Variants in ZNF675 observed in about 807,000 individuals in gnomAD.
ZNF675 encodes TRAF6 inhibitory zinc finger.
Under a neutral mutation model 56.1 loss-of-function variants are expected in ZNF675, and 36 were observed. The observed-to-expected ratio is 0.64, with a 90% CI of 0.49 to 0.85. ZNF675 has a LOEUF of 0.85. ZNF675 is among the 40% of genes least tolerant of loss of function. The pLI is 0.00. For missense variants in ZNF675, 663 were observed against 654.2 expected, an observed-to-expected ratio of 1.01 and a Z score of -0.15; for synonymous variants, 200 against 218.9, an observed-to-expected ratio of 0.91 and a Z score of 0.76.
rs566320715 is a variant in ZNF675, at chr19:23,682,653, A to G, written c.3+4378T>C. Among the ~76,000 whole-genome samples the G allele has an allele frequency of 9.9e-5, 15 of 151,892 alleles. No individual in the cohort carries two copies. In the South Asian group the frequency reaches 2.9e-3, roughly 29 times the overall value. On this transcript the variant is annotated intron_variant, in intron 1 of 3. Coordinates refer to ENST00000359788, the MANE Select transcript of ZNF675 (RefSeq NM_138330.3). ...CCAGAAAGAACTAACTGGGCCTTTA[A>G]TAACCTCCTTTTGCAGGCTCAATAT...
intron 2 of ZNF675, among the ~76,000 whole-genome samples, chr19:23,662,603 A>C (rs1216081144): frequency 3.3e-5 from 5 of 152,220 alleles, no homozygotes; most frequent in African/African-American, 1.2e-4. Context: ...AAAAACAGGG[A>C]TCTGAAACTC....
At chr19:23,684,982 AG>A (rs2144802924) in intron 1 of ZNF675, among the ~76,000 whole-genome samples, 1 of 134,936 alleles carries the variant, frequency 7.4e-6, no homozygotes, top group South Asian at 2.7e-4. Flanking sequence ...GGTTGAGTAA[AG>A]GCAATCTTCA....
intron 3 of ZNF675, among the ~76,000 whole-genome samples, chr19:23,661,075 G>A (rs564229792): frequency 7.9e-5 from 12 of 152,078 alleles, no homozygotes; most frequent in Non-Finnish European, 1.6e-4. Flanking sequence ...GATTACAGAT[G>A]TGTGCCACCA....
intron 1 of ZNF675, among the ~76,000 whole-genome samples, chr19:23,671,493 T>C (rs1261707124): frequency 2.0e-5 from 3 of 152,040 alleles, no homozygotes; most frequent in African/African-American, 7.2e-5. Context: ...CAAAGGGATA[T>C]ACTAAGCCCC....
At chr19:23,665,526 C>T (rs1265227025) in intron 1 of ZNF675, among the ~76,000 whole-genome samples, 2 of 151,576 alleles carry the variant, frequency 1.3e-5, no homozygotes, top group African/African-American at 2.4e-5. Context: ...GATGGAGTGT[C>T]GCTCTGTAGC....
rs1347913261 is a variant in ZNF675 at position 23,654,112 on chromosome 19, T to C, written c.821A>G (p.His274Arg). 3 of 1,613,914 alleles carry C rather than the reference T, an allele frequency of 1.9e-6. No homozygotes were observed. The highest frequency in any genetic ancestry group is 2.5e-6 in the Non-Finnish European group (3 of 1,180,016). ...TTTCTCTCCTGTATGAATTATCTTATGTGTAGTAAGGTGTGAGGACTGGTT... is the reference window on the plus strand; with the variant it reads ...TTTCTCTCCTGTATGAATTATCTTACGTGTAGTAAGGTGTGAGGACTGGTT... ...AFNQSSHLTT[H>R]KIIHTGEKPY... The change falls in exon 4 of 4, where the codon CAT (histidine) becomes CGT (arginine). Residue 274 changes from histidine (H) to arginine (R), a missense_variant. Coordinates refer to ENST00000359788, the MANE Select transcript of ZNF675 (RefSeq NM_138330.3).
At chr19:23,684,267 A>G (rs1305607470) in intron 1 of ZNF675, among the ~76,000 whole-genome samples, 1 of 151,714 alleles carries the variant, frequency 6.6e-6, no homozygotes, top group East Asian at 1.9e-4. Context: ...GTCTCAAAAA[A>G]AAAAAAAAAA....
intron 1 of ZNF675, among the ~76,000 whole-genome samples, chr19:23,679,851 G>A (rs1329360299): frequency 1.3e-5 from 2 of 151,164 alleles, no homozygotes; most frequent in South Asian, 2.1e-4. Context: ...TTAGCCAGGC[G>A]TGGTGGCAGG....
At position 23,653,676 on chromosome 19, in the gene ZNF675, A is replaced by C; in HGVS notation, c.1257T>G (p.Thr419=). 1.2e-6 allele frequency: 2 copies of C among 1,613,138 alleles called. No individual in the cohort carries two copies. The highest frequency in any genetic ancestry group is 1.7e-6 in the Non-Finnish European group (2 of 1,179,794). Residue 419 remains threonine, a synonymous_variant, in exon 4 of 4, where the codon ACT becomes ACG. Coordinates refer to ENST00000359788, the MANE Select transcript of ZNF675 (RefSeq NM_138330.3). ...SALTTHKRIH[T]GEKPYKCEEC... ...CTTCACATTTGTAGGGTTTCTCTCC[A>C]GTGTGAATTCTCTTATGTGTAGTAA... is the stretch of plus-strand genomic sequence containing the variant.
chr19:23,677,312 CT>C, intron 1 of ZNF675, among the ~76,000 whole-genome samples: 1 of 151,774 alleles, frequency 6.6e-6, no homozygotes, highest in Admixed American at 6.5e-5. Context: ...GTTCTGTAAG[CT>C]GACAAACAAC....
In ZNF675 at chr19:23,659,081, C is replaced by T. The variant is rs974907897; in HGVS notation, c.226+3033G>A. ...GCCTGATATATAAAACAAATATCTG[C>T]GAATAAATTATATTATTTAGATACA... On this transcript the variant is annotated intron_variant, in intron 3 of 3. Transcript: ENST00000359788. 3.4e-4 allele frequency among the ~76,000 whole-genome samples: 52 copies of T among 150,832 alleles called. 1 individual carries two copies. The highest frequency in any genetic ancestry group is 4.2e-4 in the South Asian group (2 of 4,776).
intron 1 of ZNF675, among the ~76,000 whole-genome samples, chr19:23,685,522 A>G (rs75818314): frequency 2.0e-5 from 3 of 152,230 alleles, no homozygotes; most frequent in African/African-American, 7.2e-5. Context: ...TTCCAAAGGG[A>G]AACCTTGACC....
chr19:23,672,639 C>G (rs1315314675), intron 1 of ZNF675, among the ~76,000 whole-genome samples: 3 of 152,158 alleles, frequency 2.0e-5, no homozygotes, highest in African/African-American at 7.2e-5. Context: ...TCCTGTGTGT[C>G]ACAGAAAGTG....
chr19:23,686,894 G>T, intron 1 of ZNF675, 137 bp downstream of exon 1: 2 of 1,084,908 alleles, frequency 1.8e-6, no homozygotes, highest in Non-Finnish European at 2.8e-6. Context: ...AGGGGACTGA[G>T]CCGAGCTGGG....
chr19:23,659,526 G>A (rs1247745289), intron 3 of ZNF675, among the ~76,000 whole-genome samples: 1 of 152,144 alleles, frequency 6.6e-6, no homozygotes, highest in Non-Finnish European at 1.5e-5. Context: ...AATTATGTAT[G>A]TAGCAAGACT....
intron 1 of ZNF675, among the ~76,000 whole-genome samples, chr19:23,676,856 C>G (rs1968302324): frequency 6.6e-6 from 1 of 151,098 alleles, no homozygotes; most frequent in Non-Finnish European, 1.5e-5. Flanking sequence ...GGGTGGATCA[C>G]GAGGTCAGGA....
intron 1 of ZNF675, among the ~76,000 whole-genome samples, chr19:23,664,971 G>A (rs1394506616): frequency 6.6e-6 from 1 of 151,706 alleles, no homozygotes; most frequent in Admixed American, 6.6e-5. Flanking sequence ...AACAAAACAT[G>A]ATACCTCCGC....
At chr19:23,658,586 A>C (rs1453582898) in intron 3 of ZNF675, 1 of 152,010 alleles carries the variant, frequency 6.6e-6, no homozygotes, top group Non-Finnish European at 1.5e-5. Flanking sequence ...AGGCTGAGAC[A>C]GGAGAATCAC....
rs2364624 is a variant in ZNF675, at chr19:23,687,021, T to G, written c.3+10A>C. 1,252,010 of 1,613,028 alleles carry G rather than the reference T, an allele frequency of 0.78. 493,536 individuals are homozygous for G. Among genetic ancestry groups the G allele is most frequent in the Non-Finnish European group, 0.82 (962,343 of 1,179,462 alleles). On this transcript the variant is annotated intron_variant, in intron 1 of 3. Transcript: ENST00000359788. The stretch of plus-strand genomic sequence containing the variant: ...TCCCCCTCTCGGGATGTCGCACCCG[T>G]AACTCTCACCATTTCTAGGCTTCCA...
Sources: gnomAD v4.1 joint callset for allele counts (sites outside exome capture counted in the v4.1 genomes callset) on GRCh38, gnomAD v4.1.1 for gene constraint, MANE v1.5 for transcripts, NCBI Gene and HGNC (gene_info 2026-07-23, HGNC 2026-07-21) for gene names.